The following SLC35D1 variants were observed in gnomAD, a reference collection of about 807,000 sequenced individuals.
SLC35D1 encodes nucleotide sugar transporter SLC35D1.
In SLC35D1, 31 loss-of-function variants were observed where a neutral mutation model predicts 46.7. The ratio of observed to expected loss-of-function variants is 0.66; its 90% CI spans 0.50 to 0.90. SLC35D1 has a LOEUF of 0.90. Among genes scored for constraint, SLC35D1 ranks in the 40% least tolerant of loss-of-function variants. The pLI, the probability that SLC35D1 is intolerant of heterozygous loss-of-function variation, is 0.00. For missense variants in SLC35D1, 397 were observed against 426.2 expected, an observed-to-expected ratio of 0.93 and a Z score of 0.60; for synonymous variants, 195 against 164.6, an observed-to-expected ratio of 1.18 and a Z score of -1.41.
chr1:67,025,444 T>C (rs1465025367), intron 8 of SLC35D1, among the ~76,000 whole-genome samples: 1 of 152,228 alleles, frequency 6.6e-6, no homozygotes, highest in African/African-American at 2.4e-5. Context: ...CTGTCTACTC[T>C]TAATCCAATA....
chr1:67,045,670 G>C (rs1052690616), intron 7 of SLC35D1, among the ~76,000 whole-genome samples: 12 of 152,080 alleles, frequency 7.9e-5, no homozygotes, highest in African/African-American at 2.9e-4. Context: ...CTAGATTCTA[G>C]GATATACTAT....
chr1:67,040,120 C>G (rs1020686835), intron 8 of SLC35D1, among the ~76,000 whole-genome samples: 7 of 151,910 alleles, frequency 4.6e-5, no homozygotes, highest in African/African-American at 9.7e-5. Flanking sequence ...TCAGCCTCCC[C>G]AGTAGCTGGG....
chr1:67,013,586 C>T (rs1199653408), intron 10 of SLC35D1, among the ~76,000 whole-genome samples: 1 of 152,024 alleles, frequency 6.6e-6, no homozygotes, highest in Non-Finnish European at 1.5e-5. Context: ...ACTCTTATTT[C>T]TTCCTACTCC....
chr1:67,018,607 T>C (rs553968887), intron 10 of SLC35D1, among the ~76,000 whole-genome samples: 1 of 152,316 alleles, frequency 6.6e-6, no homozygotes, highest in African/African-American at 2.4e-5. Flanking sequence ...AGCTTTACTC[T>C]AGAGATTCTG....
chr1:67,030,525 T>C (rs980062827), intron 8 of SLC35D1, among the ~76,000 whole-genome samples: 2 of 152,130 alleles, frequency 1.3e-5, no homozygotes, highest in African/African-American at 4.8e-5. Flanking sequence ...ATACAATCAC[T>C]GACATGGAGG....
chr1:67,022,702 G>C (rs1381206227), intron 8 of SLC35D1, among the ~76,000 whole-genome samples: 2 of 152,156 alleles, frequency 1.3e-5, no homozygotes, highest in Admixed American at 6.5e-5. Context: ...TGTTGAGGTA[G>C]AATACATGAA....
chr1:67,005,663 A>T (rs1157759340), intron 11 of SLC35D1, among the ~76,000 whole-genome samples: 1 of 152,162 alleles, frequency 6.6e-6, no homozygotes, highest in East Asian at 1.9e-4. Flanking sequence ...ATATCCCTCC[A>T]AGGTGTCCAT....
rs995050902 is a variant in SLC35D1, at chr1:67,018,287, C to T, written c.876+2082G>A. Among the ~76,000 whole-genome samples the T allele has an allele frequency of 2.0e-5, 3 of 152,114 alleles. No homozygotes were observed. The South Asian group carries it at 6.2e-4, about 32-fold the overall frequency. ...GCAGGCAACTTAGGAAAGTGTATAA[C>T]AGGACGTCATTTGAATACAGGGATC... On this transcript the variant is annotated intron_variant, in intron 10 of 11. Coordinates refer to ENST00000235345, the MANE Select transcript of SLC35D1 (RefSeq NM_015139.3).
At chr1:66,993,148 T>G in the SLC35D1 span, among the ~76,000 whole-genome samples, 4 of 152,122 alleles carry the variant, frequency 2.6e-5, no homozygotes, top group African/African-American at 9.7e-5. Flanking sequence ...AAAAGAGAAA[T>G]TCCCCCAGCT....
In SLC35D1 at chr1:67,001,086, T is replaced by C. The variant is rs1316268719; in HGVS notation, c.*3254A>G. 2.0e-5 allele frequency: 3 copies of C among 152,282 alleles called. No individual in the cohort carries two copies. Among genetic ancestry groups the C allele is most frequent in the South Asian group, 2.1e-4 (1 of 4,816 alleles). The allele number at this position is 152,282 out of a possible 1,614,324, so 9.4% of individuals were successfully genotyped here. A position where few individuals can be genotyped will look rare whatever the true frequency, so the allele number is the denominator to read the frequency against. On this transcript the variant is annotated 3_prime_UTR_variant, in exon 12 of 12. Coordinates refer to ENST00000235345, the MANE Select transcript of SLC35D1 (RefSeq NM_015139.3). ...AAGAACCATGTCTTGTTTATCTTTT[T>C]TCCAGAGCTTAGCAAAATACTTGGC...
chr1:67,039,395 T>G (rs1213036965), intron 8 of SLC35D1, among the ~76,000 whole-genome samples: 2 of 152,114 alleles, frequency 1.3e-5, no homozygotes, highest in African/African-American at 4.8e-5. Context: ...GAAGTCTCCC[T>G]CCCATTCCTG....
At chr1:66,976,752 T>A in the SLC35D1 span, 1 of 1,505,424 alleles carries the variant, frequency 6.6e-7, no homozygotes, top group Non-Finnish European at 8.9e-7. Flanking sequence ...AAGAGCTATA[T>A]ATACATTTTT....
At chr1:66,981,803 C>A in the SLC35D1 span, 1 of 1,613,576 alleles carries the variant, frequency 6.2e-7, no homozygotes, top group Non-Finnish European at 8.5e-7. Flanking sequence ...GTCTTCTAGA[C>A]GAAAGTGAAA....
chr1:66,997,519 A>AAAATATAT (rs1553262615), downstream of SLC35D1, among the ~76,000 whole-genome samples: 1,254 of 74,014 alleles, frequency 0.017, 28 homozygotes, highest in South Asian at 0.025. Context: ...AAAAAAAAAA[A>AAAATATAT]ATATATATAT....
chr1:67,023,160 A>C (rs1462868424), intron 8 of SLC35D1, among the ~76,000 whole-genome samples: 1 of 152,170 alleles, frequency 6.6e-6, no homozygotes, highest in Non-Finnish European at 1.5e-5. Context: ...CCCAACTGAC[A>C]TGTTTTTATT....
intron 8 of SLC35D1, among the ~76,000 whole-genome samples, chr1:67,041,259 G>C (rs1056139423): frequency 6.6e-6 from 1 of 152,024 alleles, no homozygotes; most frequent in Non-Finnish European, 1.5e-5. Context: ...AGGCCTGCTG[G>C]CAGGTAGGTC....
chr1:66,974,698 G>C, the SLC35D1 span, among the ~76,000 whole-genome samples: 1 of 152,034 alleles, frequency 6.6e-6, no homozygotes, highest in African/African-American at 2.4e-5. Flanking sequence ...ATGTTACAAG[G>C]TAGAAGTCAG....
intron 7 of SLC35D1, among the ~76,000 whole-genome samples, chr1:67,043,748 G>C (rs758311879): frequency 1.3e-4 from 20 of 152,122 alleles, no homozygotes; most frequent in Non-Finnish European, 2.6e-4. Flanking sequence ...TGGGTTCTTA[G>C]CTACTAGGGA....
chr1:67,015,355 T>C (rs55752242), intron 10 of SLC35D1, among the ~76,000 whole-genome samples: 3,983 of 152,188 alleles, frequency 0.026, 72 homozygotes, highest in Non-Finnish European at 0.041. Flanking sequence ...TTAACTTTAA[T>C]GTTAATAATA....
Sources: allele counts gnomAD v4.1 joint callset (sites outside exome capture counted in the v4.1 genomes callset), GRCh38; gene constraint gnomAD v4.1.1; transcripts MANE v1.5; gene names NCBI Gene and HGNC (gene_info 2026-07-23, HGNC 2026-07-21).